The following STK24 variants were observed in gnomAD, a reference collection of about 807,000 sequenced individuals.
The protein encoded by STK24 is serine/threonine kinase 24.
STK24 carries 21 observed loss-of-function variants against 55.6 expected under a neutral mutation model. The observed-to-expected ratio is 0.38, with a 90% CI of 0.27 to 0.54. The LOEUF (loss-of-function observed/expected upper bound fraction) is 0.54. Ranked by LOEUF, STK24 falls within the 20% of genes least tolerant of loss-of-function variation. The probability of loss-of-function intolerance (pLI) is 0.79; values close to 1 mark genes in which losing one functional copy is unlikely to be tolerated. For synonymous variants in STK24, 200 were observed against 215.2 expected (o/e 0.93, Z 0.62); for missense variants, 383 against 538.4 (o/e 0.71, Z 2.86).
At chr13:98,562,589 C>T (rs1897452875) in intron 1 of STK24, among the ~76,000 whole-genome samples, 1 of 152,130 alleles carries the variant, frequency 6.6e-6, no homozygotes, top group South Asian at 2.1e-4. Context: ...ATGCAACAGG[C>T]CATGTAAAAA....
chr13:98,460,427 G>T lies in STK24; in HGVS notation c.1067C>A (p.Pro356Gln), dbSNP rs1239494682. The T allele has an allele frequency of 6.2e-7, 1 of 1,613,076 alleles. No homozygotes were observed. Among genetic ancestry groups the T allele is most frequent in the Non-Finnish European group, 8.5e-7 (1 of 1,179,314 alleles). The change falls in exon 9 of 11, where the codon CCG becomes CAG. Residue 356 changes from proline (P) to glutamine (Q), a missense_variant. Coordinates refer to ENST00000539966, the MANE Select transcript of STK24 (RefSeq NM_001032296.4). Reference protein sequence around the residue: ...DLDRNKMKDIPKRPFSQCLST... With the variant: ...DLDRNKMKDIQKRPFSQCLST... ...TAAACACTGAGAGAAAGGCCTCTTC[G>T]GGATGTCTTTCATCTTGGGGGAGAG... is the stretch of plus-strand genomic sequence containing the variant.
At chr13:98,494,929 G>A (rs1224230236) in intron 2 of STK24, among the ~76,000 whole-genome samples, 10 of 152,240 alleles carry the variant, frequency 6.6e-5, no homozygotes, top group South Asian at 4.1e-4. Flanking sequence ...GCTCCTCGCC[G>A]CATCCAGCAC....
chr13:98,457,516 C>CT (rs1893518847), intron 9 of STK24, among the ~76,000 whole-genome samples: 1 of 140,838 alleles, frequency 7.1e-6, no homozygotes, highest in African/African-American at 2.7e-5. Context: ...GTTGCTCAGG[C>CT]TGGAGTACAG....
At chr13:98,482,342 G>T in intron 2 of STK24, 21 bp from the exon 3 acceptor site, 2 of 1,443,126 alleles carry the variant, frequency 1.4e-6, no homozygotes, top group South Asian at 2.5e-5. Context: ...AAAAAAAGAA[G>T]AGAATCATTT....
At chr13:98,471,952 C>T (rs543293060) in intron 5 of STK24, among the ~76,000 whole-genome samples, 1 of 152,168 alleles carries the variant, frequency 6.6e-6, no homozygotes, top group South Asian at 2.1e-4. Context: ...GAAATGTCTA[C>T]AAGTCATGCA....
intron 3 of STK24, among the ~76,000 whole-genome samples, chr13:98,481,077 A>G (rs1218248826): frequency 6.6e-6 from 1 of 152,018 alleles, no homozygotes; most frequent in Non-Finnish European, 1.5e-5. Flanking sequence ...GAAAATCACC[A>G]CTCACCTAAA....
intron 6 of STK24, 32 bp from the exon 7 acceptor site, chr13:98,463,868 A>C: frequency 6.2e-7 from 1 of 1,607,526 alleles, no homozygotes; most frequent in Non-Finnish European, 8.5e-7. Flanking sequence ...TTAAAGTATG[A>C]GATGAAGTTC....
chr13:98,545,561 G>A (rs547182499), intron 1 of STK24, among the ~76,000 whole-genome samples: 6 of 151,714 alleles, frequency 4.0e-5, no homozygotes, highest in Middle Eastern at 6.8e-3. Flanking sequence ...GTGAACCCGG[G>A]AGGCAGAGCT....
At chr13:98,562,817 G>T (rs1314066125) in intron 1 of STK24, among the ~76,000 whole-genome samples, 1 of 151,022 alleles carries the variant, frequency 6.6e-6, no homozygotes, top group Non-Finnish European at 1.5e-5. Flanking sequence ...TCGGGAGGCT[G>T]AGGCAGGAGA....
At chr13:98,521,158 G>A (rs1233176479) in intron 1 of STK24, among the ~76,000 whole-genome samples, 1 of 152,148 alleles carries the variant, frequency 6.6e-6, no homozygotes, top group African/African-American at 2.4e-5. Flanking sequence ...GATCCCCCTT[G>A]GCTCCTAAAA....
At chr13:98,507,500 G>A (rs1177096278) in intron 2 of STK24, among the ~76,000 whole-genome samples, 1 of 152,208 alleles carries the variant, frequency 6.6e-6, no homozygotes, top group African/African-American at 2.4e-5. Flanking sequence ...TTCTAGCCTA[G>A]AGAAAGAAAG....
intron 1 of STK24, among the ~76,000 whole-genome samples, chr13:98,546,064 T>A (rs1423291146): frequency 6.6e-6 from 1 of 152,234 alleles, no homozygotes; most frequent in Admixed American, 6.5e-5. Context: ...TGATGAAGGC[T>A]AAGAGTACAG....
At position 98,446,348 on chromosome 13, in the gene STK24, G is replaced by A. The variant is rs1892834720; in HGVS notation, c.*6825C>T. The A allele has an allele frequency of 4.8e-6, 3 of 623,050 alleles. No homozygotes were observed. Among genetic ancestry groups the A allele is most frequent in the Admixed American group, 5.8e-5 (2 of 34,376 alleles). The allele number at this position is 623,050 out of a possible 1,614,324, so 38.6% of individuals were successfully genotyped here. ...GACAGGGATGCTGGCGGGGGGCCCT[G>A]TCCACCCGAGGCCCTCAACTCTAGG... On this transcript the variant is annotated 3_prime_UTR_variant, in exon 11 of 11. Transcript: ENST00000539966.
rs543450807 is a variant in STK24, at chr13:98,450,997, G to C, written c.*2176C>G. On this transcript the variant is annotated 3_prime_UTR_variant, in exon 11 of 11. Transcript: ENST00000539966. The stretch of plus-strand genomic sequence containing the variant: ...CTAAAAGAACCACTTGTTGCTCTAC[G>C]GGGGAAGGGGCTGAGTATGATTTGT... The C allele has an allele frequency of 6.6e-6, 1 of 152,178 alleles. No individual in the cohort carries two copies. Among genetic ancestry groups the C allele is most frequent in the African/African-American group, 2.4e-5 (1 of 41,422 alleles). The allele number at this position is 152,178 out of a possible 1,614,324, so 9.4% of individuals were successfully genotyped here.
At chr13:98,476,029 T>C (rs1894359420) in intron 3 of STK24, among the ~76,000 whole-genome samples, 1 of 151,520 alleles carries the variant, frequency 6.6e-6, no homozygotes, top group Admixed American at 6.6e-5. Context: ...ATAATAGATA[T>C]TATATAATAA....
At chr13:98,560,789 G>A (rs918922888) in intron 1 of STK24, among the ~76,000 whole-genome samples, 36 of 151,386 alleles carry the variant, frequency 2.4e-4, no homozygotes, top group African/African-American at 8.8e-4. Context: ...GCTGAGGCAC[G>A]AAAACTGCTT....
chr13:98,453,804 A>T (rs993434268), intron 10 of STK24: 2 of 143,126 alleles, frequency 1.4e-5, no homozygotes, highest in African/African-American at 2.5e-5. Context: ...AATGGTAATT[A>T]TCTGTATTTA....
intron 1 of STK24, among the ~76,000 whole-genome samples, chr13:98,554,087 A>C (rs1897226528): frequency 6.6e-6 from 1 of 151,436 alleles, no homozygotes; most frequent in Admixed American, 6.6e-5. Flanking sequence ...AAAAAAAGGA[A>C]GGAAAGAAGG....
rs1897914263 is a variant in STK24 at position 98,576,838 on chromosome 13, C to G, written c.-52G>C. ...ACGGGACGGCCGGGCCGCGACGATC[C>G]GCGCGGGGCGGCGAGGCCCGCGGGC... On this transcript the variant is annotated 5_prime_UTR_variant, in exon 1 of 11. Coordinates refer to ENST00000539966, the MANE Select transcript of STK24 (RefSeq NM_001032296.4). 3.6e-6 allele frequency: 4 copies of G among 1,123,330 alleles called. No individual in the cohort carries two copies. Among genetic ancestry groups the G allele is most frequent in the Middle Eastern group, 3.8e-4 (1 of 2,638 alleles). 69.6% of individuals were successfully genotyped at this position (1,123,330 alleles called of 1,614,324 possible).
Sources: gnomAD v4.1 joint callset for allele counts (sites outside exome capture counted in the v4.1 genomes callset) on GRCh38, gnomAD v4.1.1 for gene constraint, MANE v1.5 for transcripts, NCBI Gene and HGNC (gene_info 2026-07-23, HGNC 2026-07-21) for gene names.